Variants in ZNF697 observed in about 807,000 individuals in gnomAD.
The protein encoded by ZNF697 is zinc finger protein 697.
Under a neutral mutation model 32.4 loss-of-function variants are expected in ZNF697, and 23 were observed. The ratio of observed to expected loss-of-function variants is 0.71; its 90% CI spans 0.51 to 1.01. ZNF697 has a LOEUF of 1.01. ZNF697 is among the 50% of genes least tolerant of loss of function. The pLI, the probability that ZNF697 is intolerant of heterozygous loss-of-function variation, is 0.00. For missense variants in ZNF697, 930 were observed against 794.0 expected (o/e 1.17, Z -2.06); for synonymous variants, 418 against 337.2 (o/e 1.24, Z -2.62).
At chr1:119,630,148 T>C (rs143260422) in intron 1 of ZNF697, among the ~76,000 whole-genome samples, 105 of 152,352 alleles carry the variant, frequency 6.9e-4, no homozygotes, top group African/African-American at 2.3e-3. Context: ...GAGACAACTC[T>C]GGTTTTTGGC....
intron 1 of ZNF697, among the ~76,000 whole-genome samples, chr1:119,642,080 C>T (rs975616108): frequency 5.3e-5 from 8 of 152,010 alleles, no homozygotes; most frequent in Non-Finnish European, 1.2e-4. Flanking sequence ...CATGGAGAAA[C>T]CTTAAAACGT....
rs1451100171 is a variant in ZNF697 at position 119,623,396 on chromosome 1, G to A, written c.947C>T (p.Pro316Leu). 5 of 1,512,582 alleles carry A rather than the reference G, an allele frequency of 3.3e-6. No homozygotes were observed. The South Asian group carries it at 4.9e-5, about 15-fold the overall frequency. 93.7% of individuals were successfully genotyped at this position (1,512,582 alleles called of 1,614,324 possible). A position where few individuals can be genotyped will look rare whatever the true frequency, so the allele number is the denominator to read the frequency against. Reference sequence around the variant, plus strand: ...CTCGCCGCACTCGGGGCACGGGTAGGGCTTCTCGCCCGTGTGCAGGCGCCG... The same window carrying A: ...CTCGCCGCACTCGGGGCACGGGTAGAGCTTCTCGCCCGTGTGCAGGCGCCG... ...KHRRLHTGEK[P>L]YPCPECGEAF... The change falls in exon 3 of 3, where the codon CCC becomes CTC. Residue 316 changes from proline (P) to leucine (L), a missense_variant. By Grantham distance (98) the Pro-to-Leu change is moderately conservative. Coordinates refer to ENST00000421812, the MANE Select transcript of ZNF697 (RefSeq NM_001080470.2).
chr1:119,625,784 C>A, intron 2 of ZNF697, 91 bp downstream of exon 2: 1 of 1,510,938 alleles, frequency 6.6e-7, no homozygotes, highest in Non-Finnish European at 8.9e-7. Flanking sequence ...AACTCCCTTA[C>A]AGAGAATGCT....
Position 119,648,111 on chromosome 1 carries a change from C to G in ZNF697, c.-458G>C, listed in dbSNP as rs587741611. 6.6e-6 allele frequency among the ~76,000 whole-genome samples: 1 copy of G among 152,108 alleles called. No homozygotes were observed. The highest frequency in any genetic ancestry group is 2.4e-5 in the African/African-American group (1 of 41,454). On this transcript the variant is annotated 5_prime_UTR_variant, in exon 1 of 3. Transcript: ENST00000421812. ...CGCGGCGAGGAGCTAGGGCACCGAG[C>G]GCCCCGGCCCGAGCCCCGCACCGCA...
chr1:119,621,984 G>C lies in ZNF697; in HGVS notation c.*721C>G, dbSNP rs895608473. On this transcript the variant is annotated 3_prime_UTR_variant, in exon 3 of 3. Coordinates refer to ENST00000421812, the MANE Select transcript of ZNF697 (RefSeq NM_001080470.2). ...CACCTTGACCCAGCATGAAGCTAGA[G>C]TATTTTCAAGGAAGTAGCAAAGAAC... The C allele has an allele frequency of 6.6e-6, 1 of 152,596 alleles. No homozygotes were observed. The highest frequency in any genetic ancestry group is 1.5e-5 in the Non-Finnish European group (1 of 68,044). 9.5% of individuals were successfully genotyped at this position (152,596 alleles called of 1,614,324 possible).
intron 1 of ZNF697, among the ~76,000 whole-genome samples, chr1:119,633,356 A>ATGTGTGTGTGTGTGTGTGTG (rs58387828): frequency 1.6e-4 from 23 of 143,142 alleles, no homozygotes; most frequent in African/African-American, 4.8e-4. Flanking sequence ...AACCAATAGG[A>ATGTGTGTGTGTGTGTGTGTG]TGTGTGTGTG....
In ZNF697 at chr1:119,648,250, C is replaced by T. The variant is rs1434868903; in HGVS notation, c.-597G>A. Among the ~76,000 whole-genome samples, 1 of 152,092 alleles carries T rather than the reference C, an allele frequency of 6.6e-6. No individual in the cohort carries two copies. Among genetic ancestry groups the T allele is most frequent in the Non-Finnish European group, 1.5e-5 (1 of 67,960 alleles). On this transcript the variant is annotated 5_prime_UTR_variant, in exon 1 of 3. Transcript: ENST00000421812. ...GCTGGCTGGCTCGCTGGCTGGCTGCCCGGCTGACTCCTCACTGGGGCTTCC... is the reference window on the plus strand; with the variant it reads ...GCTGGCTGGCTCGCTGGCTGGCTGCTCGGCTGACTCCTCACTGGGGCTTCC...
intron 1 of ZNF697, among the ~76,000 whole-genome samples, chr1:119,633,117 CCTT>C (rs374543227): frequency 2.0e-4 from 30 of 152,280 alleles, no homozygotes; most frequent in Admixed American, 1.2e-3. Flanking sequence ...CTTCGTTTAA[CCTT>C]CTTTTACAGA....
intron 1 of ZNF697, among the ~76,000 whole-genome samples, chr1:119,627,559 C>T (rs2101082877): frequency 6.6e-6 from 1 of 152,248 alleles, no homozygotes; most frequent in Admixed American, 6.5e-5. Flanking sequence ...CACATTTTTC[C>T]TCTTAAGTCC....
rs752482720 is a variant in ZNF697 at position 119,624,000 on chromosome 1, T to G, written c.343A>C (p.Ser115Arg). The change falls in exon 3 of 3, where the codon AGC becomes CGC. Residue 115 changes from serine (S) to arginine (R), a missense_variant. Ser to Arg is a moderately radical substitution (Grantham distance 110). Coordinates refer to ENST00000421812, the MANE Select transcript of ZNF697 (RefSeq NM_001080470.2). ...GLSESDSISR[S>R]LREDDDESAG... ...CTCTCGTCGTCGTCCTCCCGGAGGC[T>G]CCGGGATATGCTGTCAGACTCAGAC... is the stretch of plus-strand genomic sequence containing the variant. The G allele has an allele frequency of 1.9e-6, 3 of 1,612,582 alleles. No individual in the cohort carries two copies. In the African/African-American group the frequency reaches 4.0e-5, roughly 22 times the overall value.
In ZNF697 at chr1:119,622,984, C is replaced by T; in HGVS notation, c.1359G>A (p.Val453=). The change falls in exon 3 of 3, where the codon GTG becomes GTA. Residue 453 remains valine, a synonymous_variant. Coordinates refer to ENST00000421812, the MANE Select transcript of ZNF697 (RefSeq NM_001080470.2). ...GKGFGRNSHL[V]NHLRVHTGEK... is the part of the protein sequence containing the mutation. Reference sequence around the variant, plus strand: ...CGCCGGTGTGCACGCGCAGGTGGTTCACCAGGTGCGAGTTACGCCCGAAGC... The same window carrying T: ...CGCCGGTGTGCACGCGCAGGTGGTTTACCAGGTGCGAGTTACGCCCGAAGC... The T allele has an allele frequency of 6.3e-7, 1 of 1,596,440 alleles. No individual in the cohort carries two copies. The highest frequency in any genetic ancestry group is 8.5e-7 in the Non-Finnish European group (1 of 1,169,698).
intron 1 of ZNF697, among the ~76,000 whole-genome samples, chr1:119,633,393 TATA>T (rs1414473642): frequency 2.7e-5 from 4 of 146,204 alleles, no homozygotes; most frequent in Non-Finnish European, 4.5e-5. Flanking sequence ...TGTGTGTGTG[TATA>T]GAGAGAGAGA....
Position 119,622,771 on chromosome 1 carries a change from C to T in ZNF697, c.1572G>A (p.Ala524=). The T allele has an allele frequency of 6.3e-7, 1 of 1,589,174 alleles. No homozygotes were observed. ...IHTGNKPHKC[A]GCGKGFRYKT... ...TATAGCGGAAGCCTTTGCCGCAGCC[C>T]GCACACTTGTGCGGCTTGTTGCCCG... Residue 524 remains alanine (A), a synonymous_variant, in exon 3 of 3, where the codon GCG becomes GCA. Transcript: ENST00000421812.
chr1:119,646,542 C>T (rs866206694), intron 1 of ZNF697, among the ~76,000 whole-genome samples: 28 of 152,108 alleles, frequency 1.8e-4, no homozygotes, highest in Non-Finnish European at 2.8e-4. Flanking sequence ...TGTTTCACCT[C>T]GAAAGCCATT....
intron 1 of ZNF697, among the ~76,000 whole-genome samples, chr1:119,638,569 T>G (rs953783355): frequency 3.9e-5 from 6 of 152,202 alleles, no homozygotes; most frequent in African/African-American, 1.4e-4. Context: ...CATACTTCAC[T>G]GACCACCCTG....
In ZNF697 at chr1:119,623,182, G is replaced by A. The variant is rs1228784036; in HGVS notation, c.1161C>T (p.Gly387=). The stretch of plus-strand genomic sequence containing the variant: ...AGTCCGAGCGCCAGCTGAAGCGCTT[G>A]CCGCACTCGCCACAGCCGTGCGGCT... ...GEKPHGCGEC[G]KRFSWRSDLV... The change falls in exon 3 of 3, where the codon GGC becomes GGT. Residue 387 remains glycine (G), a synonymous_variant. Coordinates refer to ENST00000421812, the MANE Select transcript of ZNF697 (RefSeq NM_001080470.2). The A allele has an allele frequency of 3.2e-6, 5 of 1,563,226 alleles. No individual in the cohort carries two copies. Among genetic ancestry groups the A allele is most frequent in the Non-Finnish European group, 2.6e-6 (3 of 1,149,592 alleles).
chr1:119,638,501 T>A (rs1648982865), intron 1 of ZNF697, among the ~76,000 whole-genome samples: 1 of 152,164 alleles, frequency 6.6e-6, no homozygotes, highest in Non-Finnish European at 1.5e-5. Context: ...GTTGAGACAC[T>A]CTCCTTGGAA....
Position 119,623,522 on chromosome 1 carries a change from G to T in ZNF697, c.821C>A (p.Thr274Asn), listed in dbSNP as rs773561617. 6.4e-7 allele frequency: 1 copy of T among 1,563,646 alleles called. No homozygotes were observed. The highest frequency in any genetic ancestry group is 1.8e-5 in the Admixed American group (1 of 54,490). ...GECGKGFSRN[T>N]YLTNHLRLHT... ...CAGGCGCAGGTGGTTGGTCAGGTAG[G>T]TGTTGCGGCTGAAGCCCTTGCCGCA... Residue 274 changes from threonine to asparagine, a missense_variant, in exon 3 of 3, where the codon ACC (threonine) becomes AAC (asparagine). Coordinates refer to ENST00000421812, the MANE Select transcript of ZNF697 (RefSeq NM_001080470.2).
chr1:119,632,951 T>C (rs1342784897), intron 1 of ZNF697, among the ~76,000 whole-genome samples: 1 of 152,238 alleles, frequency 6.6e-6, no homozygotes, highest in Non-Finnish European at 1.5e-5. Flanking sequence ...TTATTCCCTG[T>C]GCTCCACCAC....
Sources: allele counts gnomAD v4.1 joint callset (sites outside exome capture counted in the v4.1 genomes callset), GRCh38; gene constraint gnomAD v4.1.1; transcripts MANE v1.5; gene names NCBI Gene and HGNC (gene_info 2026-07-23, HGNC 2026-07-21).